MGMT: variants seen among roughly 807,000 people sequenced by gnomAD.
The protein encoded by MGMT is O-6-methylguanine-DNA methyltransferase.
In MGMT, 14 loss-of-function variants were observed where a neutral mutation model predicts 15.9. That is an observed-to-expected ratio of 0.88 (90% confidence interval 0.58 to 1.37). MGMT has a LOEUF of 1.37. MGMT is among the 40% of genes most tolerant of loss of function. The pLI is 0.00. For missense variants in MGMT, 282 were observed against 268.1 expected, an observed-to-expected ratio of 1.05 and a Z score of -0.36; for synonymous variants, 130 against 118.2, an observed-to-expected ratio of 1.10 and a Z score of -0.65.
At chr10:129,724,253 C>T (rs1193992134) in intron 3 of MGMT, among the ~76,000 whole-genome samples, 1 of 152,100 alleles carries the variant, frequency 6.6e-6, no homozygotes, top group Non-Finnish European at 1.5e-5. Flanking sequence ...GGATGAGTCT[C>T]GGTAACGTCA....
intron 3 of MGMT, among the ~76,000 whole-genome samples, chr10:129,742,044 A>G (rs2133172553): frequency 6.6e-6 from 1 of 152,304 alleles, no homozygotes; most frequent in African/African-American, 2.4e-5. Context: ...TGATTGGGGA[A>G]GTAGAAATTG....
chr10:129,730,267 A>G (rs746790007), intron 3 of MGMT, among the ~76,000 whole-genome samples: 1 of 152,198 alleles, frequency 6.6e-6, no homozygotes, highest in Non-Finnish European at 1.5e-5. Flanking sequence ...AGTGAAACCA[A>G]CAAATGGAAG....
intron 3 of MGMT, among the ~76,000 whole-genome samples, chr10:129,740,615 A>G (rs559515703): frequency 2.0e-5 from 3 of 152,348 alleles, no homozygotes; most frequent in Admixed American, 1.3e-4. Context: ...GAGGGGCGAC[A>G]GGACAGCGTT....
At chr10:129,602,397 G>A (rs2133062189) in intron 2 of MGMT, among the ~76,000 whole-genome samples, 1 of 152,264 alleles carries the variant, frequency 6.6e-6, no homozygotes, top group Non-Finnish European at 1.5e-5. Context: ...AGCCCAGGAG[G>A]TTTAGAAAGA....
chr10:129,677,086 A>G (rs1847794549), intron 2 of MGMT, among the ~76,000 whole-genome samples: 1 of 152,078 alleles, frequency 6.6e-6, no homozygotes, highest in Admixed American at 6.5e-5. Context: ...GGCATGTGGT[A>G]TGTGGGTGTC....
chr10:129,597,236 C>A (rs904129582), intron 2 of MGMT, among the ~76,000 whole-genome samples: 2 of 152,128 alleles, frequency 1.3e-5, no homozygotes, highest in African/African-American at 4.8e-5. Context: ...ACAAATTGCA[C>A]CATTGTTATG....
At chr10:129,766,481 G>A (rs933430221) in intron 4 of MGMT, among the ~76,000 whole-genome samples, 5 of 152,180 alleles carry the variant, frequency 3.3e-5, no homozygotes, top group South Asian at 2.1e-4. Context: ...ATTACTCACC[G>A]GATGAAATTA....
intron 2 of MGMT, among the ~76,000 whole-genome samples, chr10:129,698,525 A>G (rs1848059007): frequency 6.6e-6 from 1 of 152,232 alleles, no homozygotes; most frequent in African/African-American, 2.4e-5. Context: ...ATTTCTAAGC[A>G]ACTAATTTAA....
intron 2 of MGMT, among the ~76,000 whole-genome samples, chr10:129,545,134 A>G (rs1204537635): frequency 6.6e-6 from 1 of 152,102 alleles, no homozygotes; most frequent in Non-Finnish European, 1.5e-5. Context: ...GGGGTGAGGG[A>G]TGGTGGGTTA....
chr10:129,541,596 A>G (rs780785349), intron 2 of MGMT, among the ~76,000 whole-genome samples: 4 of 152,236 alleles, frequency 2.6e-5, no homozygotes, highest in Non-Finnish European at 5.9e-5. Context: ...AAATAGTAGC[A>G]GTAGGACTTG....
intron 1 of MGMT, among the ~76,000 whole-genome samples, chr10:129,485,937 C>T (rs963275274): frequency 1.3e-5 from 2 of 152,326 alleles, no homozygotes; most frequent in Middle Eastern, 3.4e-3. Flanking sequence ...TGACTGCTTT[C>T]TAGGCATGTT....
chr10:129,762,561 C>G (rs558817249), intron 4 of MGMT, among the ~76,000 whole-genome samples: 62 of 152,196 alleles, frequency 4.1e-4, no homozygotes, highest in African/African-American at 1.5e-3. Flanking sequence ...GGTCAGTTTC[C>G]CAGTATATTG....
intron 2 of MGMT, among the ~76,000 whole-genome samples, chr10:129,548,210 G>A (rs1846117938): frequency 6.6e-6 from 1 of 152,214 alleles, no homozygotes; most frequent in Non-Finnish European, 1.5e-5. Flanking sequence ...TAGAAAAATG[G>A]TGTGTGTAAG....
chr10:129,519,465 G>A (rs1291217514), intron 1 of MGMT, among the ~76,000 whole-genome samples: 1 of 152,192 alleles, frequency 6.6e-6, no homozygotes, highest in African/African-American at 2.4e-5. Context: ...TAATCATTTG[G>A]AAGCGGGGCG....
intron 2 of MGMT, among the ~76,000 whole-genome samples, chr10:129,582,135 G>A (rs543523775): frequency 6.6e-6 from 1 of 152,308 alleles, no homozygotes; most frequent in East Asian, 1.9e-4. Context: ...GTGTATGAAG[G>A]ACATCATTCG....
At chr10:129,651,359 G>A (rs1847456050) in intron 2 of MGMT, among the ~76,000 whole-genome samples, 1 of 151,886 alleles carries the variant, frequency 6.6e-6, no homozygotes, top group Non-Finnish European at 1.5e-5. Flanking sequence ...AAGAACTAGT[G>A]TGAGTGAATT....
chr10:129,475,643 G>A (rs1373269146), intron 1 of MGMT, among the ~76,000 whole-genome samples: 2 of 152,122 alleles, frequency 1.3e-5, no homozygotes, highest in South Asian at 2.1e-4. Context: ...TGCGGGGTGC[G>A]GGCCGATCAG....
At chr10:129,715,214 T>G (rs1462899076) in intron 3 of MGMT, among the ~76,000 whole-genome samples, 2 of 152,200 alleles carry the variant, frequency 1.3e-5, no homozygotes, top group African/African-American at 2.4e-5. Context: ...AAAATATAAT[T>G]TAACTCTGGT....
chr10:129,701,105 C>T (rs1390335864), intron 2 of MGMT: 1 of 152,204 alleles, frequency 6.6e-6, no homozygotes, highest in Non-Finnish European at 1.5e-5. Context: ...GTGGCGAGGC[C>T]ACTAAAAGCT....
Sources: gnomAD v4.1 joint callset for allele counts (sites outside exome capture counted in the v4.1 genomes callset) on GRCh38, gnomAD v4.1.1 for gene constraint, MANE v1.5 for transcripts, NCBI Gene and HGNC (gene_info 2026-07-23, HGNC 2026-07-21) for gene names.